BRINP1: variants seen among roughly 807,000 people sequenced by gnomAD.
The protein encoded by BRINP1 is BMP/retinoic acid inducible neural specific 1.
In BRINP1, 17 loss-of-function variants were observed where a neutral mutation model predicts 72.9. The ratio of observed to expected loss-of-function variants is 0.23; its 90% CI spans 0.16 to 0.35. The LOEUF (loss-of-function observed/expected upper bound fraction) is 0.35, where lower values mean the gene tolerates loss of function less well. BRINP1 is among the 10% of genes least tolerant of loss of function. The probability of loss-of-function intolerance (pLI) is 1.00; values close to 1 mark genes in which losing one functional copy is unlikely to be tolerated. For missense variants in BRINP1, 850 were observed against 1,001.6 expected, an observed-to-expected ratio of 0.85 and a Z score of 2.04; for synonymous variants, 418 against 378.5, an observed-to-expected ratio of 1.10 and a Z score of -1.21.
intron 1 of BRINP1, among the ~76,000 whole-genome samples, chr9:119,358,927 G>C (rs1031023882): frequency 6.6e-6 from 1 of 152,196 alleles, no homozygotes; most frequent in African/African-American, 2.4e-5. Flanking sequence ...CTGCCACATG[G>C]TGGGGAGGTT....
intron 1 of BRINP1, among the ~76,000 whole-genome samples, chr9:119,366,963 G>A (rs1460726826): frequency 6.6e-6 from 1 of 151,678 alleles, no homozygotes; most frequent in Non-Finnish European, 1.5e-5. Flanking sequence ...CCCAAAAATG[G>A]GTCTCCTCCT....
intron 2 of BRINP1, among the ~76,000 whole-genome samples, chr9:119,295,608 A>G (rs1169097688): frequency 1.3e-5 from 2 of 152,230 alleles, no homozygotes; most frequent in African/African-American, 2.4e-5. Flanking sequence ...TGTGTTGTTG[A>G]CTGAAACATC....
intron 2 of BRINP1, among the ~76,000 whole-genome samples, chr9:119,258,633 C>A (rs557024235): frequency 2.6e-4 from 39 of 152,294 alleles, no homozygotes; most frequent in African/African-American, 8.7e-4. Flanking sequence ...GAGAGAGGGA[C>A]TTGCTAAGGC....
At chr9:119,282,348 T>C (rs1564237651) in intron 2 of BRINP1, among the ~76,000 whole-genome samples, 1 of 152,154 alleles carries the variant, frequency 6.6e-6, no homozygotes, top group Non-Finnish European at 1.5e-5. Context: ...TGCAAATAAG[T>C]AGCATGGGAT....
At chr9:119,349,167 T>C (rs1353892565) in intron 1 of BRINP1, among the ~76,000 whole-genome samples, 3 of 152,112 alleles carry the variant, frequency 2.0e-5, no homozygotes, top group Non-Finnish European at 4.4e-5. Context: ...TTGCTAAGGA[T>C]AGGGGACAGG....
chr9:119,263,601 CT>C (rs386416080), intron 2 of BRINP1, among the ~76,000 whole-genome samples: 196 of 78,538 alleles, frequency 2.5e-3, no homozygotes, highest in African/African-American at 8.9e-3. Context: ...GTAAACAATT[CT>C]TTTTTTTTTT....
At chr9:119,313,509 T>G (rs911740026) in intron 1 of BRINP1, 104 bp from the exon 2 acceptor site, 1 of 1,032,464 alleles carries the variant, frequency 9.7e-7, no homozygotes, top group African/African-American at 1.6e-5. Flanking sequence ...AAAGAAAAAA[T>G]GTGATTAACA....
Position 119,167,453 on chromosome 9 carries a change from G to A in BRINP1, c.1917C>T (p.Asp639=). The change falls in exon 8 of 8, where the codon GAC becomes GAT. Residue 639 remains aspartate (D), a synonymous_variant. Transcript: ENST00000265922. The surrounding 1 kb of genome is among the most constrained non-coding windows in gnomAD (Gnocchi z 4.3). ...ACTGCCTCTTGGAGGGATCCGACAG[G>A]TCCACGGGGCCCTGGCCAGTCTCAT... ...LRNETGQGPV[D]LSDPSKRQFY... The A allele has an allele frequency of 6.2e-7, 1 of 1,614,106 alleles. No individual in the cohort carries two copies. The highest frequency in any genetic ancestry group is 8.5e-7 in the Non-Finnish European group (1 of 1,180,012).
intron 1 of BRINP1, among the ~76,000 whole-genome samples, chr9:119,327,247 C>T (rs1459381604): frequency 6.6e-6 from 1 of 152,152 alleles, no homozygotes; most frequent in African/African-American, 2.4e-5. Flanking sequence ...ATCAACTCAT[C>T]ACCTAGGTAT....
At chr9:119,265,308 CA>C (rs1444215623) in intron 2 of BRINP1, among the ~76,000 whole-genome samples, 1 of 151,996 alleles carries the variant, frequency 6.6e-6, no homozygotes, top group African/African-American at 2.4e-5. Flanking sequence ...TGCATATAAT[CA>C]GTCCTCAAGG....
At chr9:119,364,100 G>A (rs1831664418) in intron 1 of BRINP1, among the ~76,000 whole-genome samples, 1 of 150,662 alleles carries the variant, frequency 6.6e-6, no homozygotes, top group Non-Finnish European at 1.5e-5. Flanking sequence ...AGTATTCAGG[G>A]TGCCAAGAGG....
intron 2 of BRINP1, among the ~76,000 whole-genome samples, chr9:119,300,726 C>G (rs1224282320): frequency 1.3e-5 from 2 of 152,188 alleles, no homozygotes; most frequent in Non-Finnish European, 2.9e-5. Context: ...CACTTCTCAA[C>G]TCACTACACT....
chr9:119,360,653 T>C (rs1831620081), intron 1 of BRINP1, among the ~76,000 whole-genome samples: 5 of 152,182 alleles, frequency 3.3e-5, no homozygotes, highest in Admixed American at 1.3e-4. Context: ...TGTCTGCCTT[T>C]CCTCCAACTG....
chr9:119,187,684 G>T (rs1477465236), intron 7 of BRINP1, among the ~76,000 whole-genome samples: 1 of 152,000 alleles, frequency 6.6e-6, no homozygotes, highest in Non-Finnish European at 1.5e-5. Flanking sequence ...ACCACCAAAA[G>T]AACAAAATAA....
chr9:119,285,251 C>T (rs1830748662), intron 2 of BRINP1, among the ~76,000 whole-genome samples: 1 of 149,886 alleles, frequency 6.7e-6, no homozygotes, highest in Admixed American at 6.6e-5. Flanking sequence ...GAAATCAGGA[C>T]ATGGTACAAG....
chr9:119,200,636 G>GA (rs774466695), intron 7 of BRINP1, among the ~76,000 whole-genome samples: 51,923 of 120,940 alleles, frequency 0.43, 10,029 homozygotes, highest in Admixed American at 0.52. Flanking sequence ...GAAAAAAAAA[G>GA]AAAAAAAAAA....
intron 7 of BRINP1, among the ~76,000 whole-genome samples, chr9:119,171,184 G>A (rs1588152863): frequency 6.7e-6 from 1 of 149,910 alleles, no homozygotes; most frequent in Admixed American, 6.6e-5. Flanking sequence ...GACACAGACT[G>A]GCAAATTGGA....
chr9:119,313,326 G>A lies in BRINP1; in HGVS notation c.30C>T (p.Tyr10=), dbSNP rs974101285. 1 of 1,613,876 alleles carries A rather than the reference G, an allele frequency of 6.2e-7. No homozygotes were observed. The highest frequency in any genetic ancestry group is 1.3e-5 in the African/African-American group (1 of 74,912). ...AGATACGGCCCCATATAAACAGGAA[G>A]TAGAGGAGCTCAACAAACCTCCAGT... MNWRFVELL[Y]FLFIWGRISV... Residue 10 remains tyrosine, a synonymous_variant, in exon 2 of 8, where the codon TAC becomes TAT. Coordinates refer to ENST00000265922, the MANE Select transcript of BRINP1 (RefSeq NM_014618.3).
chr9:119,293,490 T>C (rs995932736), intron 2 of BRINP1, among the ~76,000 whole-genome samples: 3 of 152,172 alleles, frequency 2.0e-5, no homozygotes, highest in Non-Finnish European at 4.4e-5. Flanking sequence ...CCAGTGATAA[T>C]AAGGGACCCA....
Sources: gnomAD v4.1 joint callset for allele counts (sites outside exome capture counted in the v4.1 genomes callset) on GRCh38, gnomAD v4.1.1 for gene constraint, Gnocchi (gnomAD v3.1) non-coding constraint, MANE v1.5 for transcripts, NCBI Gene and HGNC (gene_info 2026-07-23, HGNC 2026-07-21) for gene names.